Variants in ABI2 observed in about 807,000 individuals in gnomAD.
ABI2 encodes the protein abl interactor 2.
ABI2 carries 25 observed loss-of-function variants against 59.2 expected under a neutral mutation model. That is an observed-to-expected ratio of 0.42 (90% CI 0.31 to 0.59). The LOEUF (loss-of-function observed/expected upper bound fraction) is 0.59, where lower values mean the gene tolerates loss of function less well. Ranked by LOEUF, ABI2 falls within the 20% of genes least tolerant of loss-of-function variation. The probability of loss-of-function intolerance (pLI) is 0.14; values close to 1 mark genes in which losing one functional copy is unlikely to be tolerated. For synonymous variants in ABI2, 213 were observed against 235.5 expected (o/e 0.90, Z 0.87); for missense variants, 545 against 681.8 (o/e 0.80, Z 2.23).
chr2:203,328,882 GCCGCTCCCGC>G (rs1227175854), intron 1 of ABI2: 2 of 303,216 alleles, frequency 6.6e-6, no homozygotes, highest in Non-Finnish European at 1.2e-5. Context: ...CCGCCTCCTC[GCCGCTCCCGC>G]CCTCGGCCGC....
At chr2:203,331,159 C>T (rs1424812315) in intron 1 of ABI2, among the ~76,000 whole-genome samples, 1 of 151,880 alleles carries the variant, frequency 6.6e-6, no homozygotes, top group Non-Finnish European at 1.5e-5. Context: ...AATTGGTACA[C>T]TCTCAGGATG....
At chr2:203,356,113 G>A (rs1344849411) in intron 1 of ABI2, among the ~76,000 whole-genome samples, 2 of 151,790 alleles carry the variant, frequency 1.3e-5, no homozygotes, top group African/African-American at 2.4e-5. Flanking sequence ...TCCTTCCTAC[G>A]GGTCTTTTTC....
chr2:203,372,761 T>C (rs1303517488), intron 2 of ABI2, among the ~76,000 whole-genome samples: 1 of 140,928 alleles, frequency 7.1e-6, no homozygotes, highest in African/African-American at 2.7e-5. Context: ...GACGGGGCGG[T>C]TGCCAGGCGG....
At position 203,411,470 on chromosome 2, in the gene ABI2, A is replaced by G. The variant is rs896073122; in HGVS notation, c.1279+99A>G. On this transcript the variant is annotated intron_variant, in intron 10 of 11. Coordinates refer to ENST00000261018, the MANE Select transcript of ABI2 (RefSeq NM_001375670.1). Reference sequence around the variant, plus strand: ...TAGTCATTCATTTGCTGATACTTCAACATTTCAATATTATGAACAAATCAC... The same window carrying G: ...TAGTCATTCATTTGCTGATACTTCAGCATTTCAATATTATGAACAAATCAC... 6.6e-5 allele frequency: 60 copies of G among 912,434 alleles called. 1 individual carries two copies. Among genetic ancestry groups the G allele is most frequent in the South Asian group, 1.8e-4 (11 of 61,888 alleles). 56.5% of individuals were successfully genotyped at this position (912,434 alleles called of 1,614,324 possible). A position where few individuals can be genotyped will look rare whatever the true frequency, so the allele number is the denominator to read the frequency against.
intron 11 of ABI2, 140 bp from the exon 12 acceptor site, chr2:203,427,037 T>G: frequency 4.6e-6 from 3 of 650,956 alleles, no homozygotes; most frequent in Non-Finnish European, 7.8e-6. Context: ...AAAAAACATG[T>G]AAGTTTTGGT....
At chr2:203,353,745 A>G (rs767535119) in intron 1 of ABI2, among the ~76,000 whole-genome samples, 1 of 152,088 alleles carries the variant, frequency 6.6e-6, no homozygotes, top group African/African-American at 2.4e-5. Context: ...TGGTCTGTCC[A>G]CCTTGGCGTT....
chr2:203,389,141 G>T (rs1157177105), intron 4 of ABI2, among the ~76,000 whole-genome samples: 1 of 152,080 alleles, frequency 6.6e-6, no homozygotes, highest in Non-Finnish European at 1.5e-5. Flanking sequence ...AATGTGGATT[G>T]ATTTTTTTAA....
chr2:203,402,952 T>A (rs1349856368), intron 9 of ABI2, among the ~76,000 whole-genome samples: 1 of 152,228 alleles, frequency 6.6e-6, no homozygotes, highest in African/African-American at 2.4e-5. Context: ...ACAACTTAGT[T>A]TTTCTGAGCA....
intron 4 of ABI2, among the ~76,000 whole-genome samples, chr2:203,388,960 T>G (rs2096638724): frequency 1.3e-5 from 2 of 152,322 alleles, no homozygotes; most frequent in African/African-American, 4.8e-5. Context: ...TTTTAGTGTT[T>G]GGTTCACTTC....
rs2098464846 is a variant in ABI2 at position 203,429,371 on chromosome 2, TTTAAA to T, written c.*2023_*2027del. The T allele has an allele frequency of 6.6e-6, 1 of 152,242 alleles. No homozygotes were observed. The highest frequency in any genetic ancestry group is 2.1e-4 in the South Asian group (1 of 4,834). 9.4% of individuals were successfully genotyped at this position (152,242 alleles called of 1,614,324 possible). A position where few individuals can be genotyped will look rare whatever the true frequency, so the allele number is the denominator to read the frequency against. ...ACTGGTCTATAATTAGAAAAACTGT[TTTAAA>T]TTAGATGTTCCCATTATTTATTTAA... On this transcript the variant is annotated 3_prime_UTR_variant, in exon 12 of 12. Transcript: ENST00000261018.
chr2:203,382,684 A>AC (rs2096213751), intron 4 of ABI2, among the ~76,000 whole-genome samples: 2 of 152,094 alleles, frequency 1.3e-5, no homozygotes, highest in African/African-American at 4.8e-5. Flanking sequence ...TACCTTATGG[A>AC]CAATATGTCA....
intron 2 of ABI2, among the ~76,000 whole-genome samples, chr2:203,372,390 C>G (rs2095304634): frequency 6.6e-6 from 1 of 152,256 alleles, no homozygotes; most frequent in Non-Finnish European, 1.5e-5. Flanking sequence ...TCCCCCCTTT[C>G]TATTCCACAA....
intron 2 of ABI2, among the ~76,000 whole-genome samples, chr2:203,377,810 G>A (rs2095812234): frequency 6.6e-6 from 1 of 152,210 alleles, no homozygotes; most frequent in African/African-American, 2.4e-5. Flanking sequence ...GGAAGCTCAG[G>A]CGGGAGAATC....
chr2:203,338,943 T>TATATATATATATATAA (rs2077932430), intron 1 of ABI2, among the ~76,000 whole-genome samples: 18 of 13,420 alleles, frequency 1.3e-3, no homozygotes, highest in African/African-American at 2.4e-3. Context: ...TGTATATATA[T>TATATATATATATATAA]ATATATATAT....
intron 1 of ABI2, among the ~76,000 whole-genome samples, chr2:203,341,543 C>A (rs1045104445): frequency 6.6e-6 from 1 of 151,870 alleles, no homozygotes; most frequent in East Asian, 1.9e-4. Context: ...GGCGAAACCC[C>A]ATCTCTACTA....
At chr2:203,403,705 A>C (rs2097311115) in intron 9 of ABI2, among the ~76,000 whole-genome samples, 1 of 139,872 alleles carries the variant, frequency 7.1e-6, no homozygotes, top group African/African-American at 2.7e-5. Context: ...ATTTGAACTT[A>C]GGTTTTCTGA....
rs2469954 is a variant in ABI2 at position 203,427,794 on chromosome 2, T to C, written c.*442T>C. 0.63 allele frequency: 96,351 copies of C among 153,080 alleles called. 30,870 individuals are homozygous for C. The highest frequency in any genetic ancestry group is 0.78 in the Middle Eastern group (232 of 296). The allele number at this position is 153,080 out of a possible 1,614,324, so 9.5% of individuals were successfully genotyped here. A position where few individuals can be genotyped will look rare whatever the true frequency, so the allele number is the denominator to read the frequency against. ...TGGCCCAGTGGGTACCCTAGCCCCT[T>C]CTTTTCTTCCACTTGTATGAAGAGG... On this transcript the variant is annotated 3_prime_UTR_variant, in exon 12 of 12. Coordinates refer to ENST00000261018, the MANE Select transcript of ABI2 (RefSeq NM_001375670.1).
At chr2:203,392,326 AC>A (rs1559313473) in intron 5 of ABI2, among the ~76,000 whole-genome samples, 2 of 117,762 alleles carry the variant, frequency 1.7e-5, no homozygotes, top group African/African-American at 3.1e-5. Context: ...AACAACAACA[AC>A]AACAACAACA....
At chr2:203,411,459 CT>C in intron 10 of ABI2, 88 bp downstream of exon 10, 1 of 1,000,322 alleles carries the variant, frequency 1.0e-6, no homozygotes. Flanking sequence ...CATTCATTTG[CT>C]GATACTTCAA....
Sources: allele counts gnomAD v4.1 joint callset (sites outside exome capture counted in the v4.1 genomes callset), GRCh38; gene constraint gnomAD v4.1.1; transcripts MANE v1.5; gene names NCBI Gene and HGNC (gene_info 2026-07-23, HGNC 2026-07-21).